The following ARID1A variants were observed in gnomAD, a reference collection of about 807,000 sequenced individuals.
ARID1A encodes AT-rich interactive domain-containing protein 1A.
Under a neutral mutation model 212.6 loss-of-function variants are expected in ARID1A, and 20 were observed. That is an observed-to-expected ratio of 0.09 (90% CI 0.07 to 0.14). The LOEUF is 0.14. ARID1A is among the 10% of genes least tolerant of loss of function. ARID1A has a pLI of 1.00. For missense variants in ARID1A, 2,587 were observed against 3,059.0 expected, an observed-to-expected ratio of 0.85 and a Z score of 3.64; for synonymous variants, 1,376 against 1,222.1, an observed-to-expected ratio of 1.13 and a Z score of -2.63.
At chr1:26,712,112 G>A (rs1467848258) in intron 1 of ARID1A, among the ~76,000 whole-genome samples, 2 of 152,028 alleles carry the variant, frequency 1.3e-5, no homozygotes, top group African/African-American at 2.4e-5. Flanking sequence ...TCTTGACTGT[G>A]GTGGTCTCCA....
At chr1:26,766,656 A>T (rs534399963) in intron 10 of ARID1A, 90 bp downstream of exon 10, 1 of 1,318,318 alleles carries the variant, frequency 7.6e-7, no homozygotes. Context: ...ACAAGATCCC[A>T]GCCTTTTATG....
rs1452729436 is a variant in ARID1A at position 26,763,061 on chromosome 1, T to G, written c.2508T>G (p.Gly836=). Residue 836 remains glycine (G), a synonymous_variant, in exon 8 of 20, where the codon GGT becomes GGG. Transcript: ENST00000324856. ...TGGCTGGAGGCATAAACCCCATGGG[T>G]GCCGGAGGTCAAATGCATGGACAGC... is the stretch of plus-strand genomic sequence containing the variant. ...AGMAGGINPM[G]AGGQMHGQPG... is the part of the protein sequence containing the mutation. The G allele has an allele frequency of 6.2e-7, 1 of 1,614,048 alleles. No individual in the cohort carries two copies. Among genetic ancestry groups the G allele is most frequent in the Non-Finnish European group, 8.5e-7 (1 of 1,180,020 alleles).
intron 19 of ARID1A, chr1:26,778,386 AGAG>A (rs1298508035): frequency 6.6e-6 from 1 of 151,942 alleles, no homozygotes; most frequent in Non-Finnish European, 1.5e-5. Flanking sequence ...TTGTGACTGG[AGAG>A]GAGTGTTTTC....
chr1:26,768,361 A>G (rs1371339781), intron 11 of ARID1A, among the ~76,000 whole-genome samples: 1 of 152,216 alleles, frequency 6.6e-6, no homozygotes, highest in Non-Finnish European at 1.5e-5. Context: ...GCCACTTATA[A>G]CATATATGAC....
At position 26,697,171 on chromosome 1, in the gene ARID1A, C is replaced by T. The variant is rs1187324052; in HGVS notation, c.768C>T (p.Ser256=). 2 of 1,432,546 alleles carry T rather than the reference C, an allele frequency of 1.4e-6. No individual in the cohort carries two copies. Among genetic ancestry groups the T allele is most frequent in the Non-Finnish European group, 1.8e-6 (2 of 1,097,920 alleles). The allele number at this position is 1,432,546 out of a possible 1,614,324, so 88.7% of individuals were successfully genotyped here. The change falls in exon 1 of 20, where the codon AGC becomes AGT. Residue 256 remains serine (S), a synonymous_variant. Transcript: ENST00000324856. ...AAGSKPPPSS[S]ASASSSSSSF... ...GCTCCAAGCCGCCTCCCTCCTCCAG[C>T]GCCTCCGCCTCCTCGTCGTCTTCGT...
intron 4 of ARID1A, among the ~76,000 whole-genome samples, chr1:26,757,241 G>A (rs759593692): frequency 1.4e-5 from 2 of 146,378 alleles, no homozygotes; most frequent in South Asian, 2.2e-4. Context: ...ATGCTGAGGC[G>A]AGCGGATGGA....
At chr1:26,701,395 T>C in intron 1 of ARID1A, among the ~76,000 whole-genome samples, 1 of 152,214 alleles carries the variant, frequency 6.6e-6, no homozygotes, top group South Asian at 2.1e-4. Context: ...TTGTTTAGAT[T>C]GGTCATTATC....
At chr1:26,745,890 A>G (rs556848264) in intron 4 of ARID1A, among the ~76,000 whole-genome samples, 1 of 152,258 alleles carries the variant, frequency 6.6e-6, no homozygotes, top group African/African-American at 2.4e-5. Flanking sequence ...CGTCTCTACT[A>G]AAAATACAAA....
chr1:26,720,404 T>G (rs917620646), intron 1 of ARID1A, among the ~76,000 whole-genome samples: 2 of 144,148 alleles, frequency 1.4e-5, no homozygotes, highest in African/African-American at 5.2e-5. Context: ...AACCGGGAGG[T>G]GGAGGTTGCA....
chr1:26,765,911 C>T (rs1345392260), intron 8 of ARID1A: 1 of 256,786 alleles, frequency 3.9e-6, no homozygotes, highest in Non-Finnish European at 7.4e-6. Context: ...CATGGTGGTG[C>T]ATGCCTCATA....
chr1:26,770,803 T>C, intron 11 of ARID1A: 1 of 305,260 alleles, frequency 3.3e-6, no homozygotes, highest in Non-Finnish European at 6.1e-6. Flanking sequence ...GATATCCAGA[T>C]GATTTGTACA....
chr1:26,747,396 G>A (rs1033630082), intron 4 of ARID1A, among the ~76,000 whole-genome samples: 13 of 152,232 alleles, frequency 8.5e-5, no homozygotes, highest in African/African-American at 2.4e-4. Flanking sequence ...GGAACTAGGG[G>A]TTGAAGGCTT....
In ARID1A at chr1:26,696,842, G is replaced by C. The variant is rs2080267597; in HGVS notation, c.439G>C (p.Ala147Pro). Residue 147 changes from alanine (A) to proline (P), a missense_variant, in exon 1 of 20, where the codon GCC becomes CCC. By Grantham distance (27) the Ala-to-Pro change is conservative. Transcript: ENST00000324856. ...AGCCGCGGCCGCCTTGCCGCCCCCA[G>C]CCTACGGCTTCGGGCAACCCTACGG... ...HSAAAALPPP[A>P]YGFGQPYGRS... 2.2e-6 allele frequency: 3 copies of C among 1,341,178 alleles called. No individual in the cohort carries two copies. The highest frequency in any genetic ancestry group is 1.9e-6 in the Non-Finnish European group (2 of 1,047,804). The allele number at this position is 1,341,178 out of a possible 1,614,324, so 83.1% of individuals were successfully genotyped here.
chr1:26,761,967 G>C (rs2124061595), intron 6 of ARID1A, among the ~76,000 whole-genome samples, 185 bp from the exon 7 acceptor site: 1 of 152,228 alleles, frequency 6.6e-6, no homozygotes, highest in Non-Finnish European at 1.5e-5. Context: ...GGCATGCCCT[G>C]GTTAATGGTT....
chr1:26,731,354 A>T lies in ARID1A; in HGVS notation c.1553A>T (p.Tyr518Phe), dbSNP rs775990638. ...PPQLQSSQPP[Y>F]SQQPSQPPHQ... is the part of the protein sequence containing the mutation. ...CAGCTCCAGTCCTCTCAGCCTCCAT[A>T]CTCCCAGCAGCCATCCCAGCCTCCA... Residue 518 changes from tyrosine (Y) to phenylalanine (F), a missense_variant, in exon 3 of 20, where the codon TAC (tyrosine) becomes TTC (phenylalanine). Coordinates refer to ENST00000324856, the MANE Select transcript of ARID1A (RefSeq NM_006015.6). 6.2e-7 allele frequency: 1 copy of T among 1,611,952 alleles called. No homozygotes were observed. The highest frequency in any genetic ancestry group is 1.1e-5 in the South Asian group (1 of 90,950).
intron 4 of ARID1A, among the ~76,000 whole-genome samples, chr1:26,756,109 A>G (rs1183315156): frequency 1.3e-5 from 2 of 151,370 alleles, no homozygotes; most frequent in African/African-American, 2.4e-5. Context: ...GCTTCAGTAC[A>G]TGTCCAAAGA....
chr1:26,701,160 C>G (rs75547743), intron 1 of ARID1A, among the ~76,000 whole-genome samples: 51 of 152,148 alleles, frequency 3.4e-4, no homozygotes, highest in Non-Finnish European at 6.3e-4. Flanking sequence ...AGGGAATAGG[C>G]TAACAAAGTA....
chr1:26,773,731 G>A lies in ARID1A; in HGVS notation c.4004+14G>A, dbSNP rs2081106492. 6.2e-7 allele frequency: 1 copy of A among 1,614,038 alleles called. No homozygotes were observed. The highest frequency in any genetic ancestry group is 1.3e-5 in the African/African-American group (1 of 74,926). On this transcript the variant is annotated intron_variant, in intron 16 of 19. Transcript: ENST00000324856. ...GCAGCAGCAACGGTGAGTAAAGCCT[G>A]GTCTCGGTGCTGCTATGGATCAGGC...
intron 4 of ARID1A, among the ~76,000 whole-genome samples, chr1:26,748,364 C>G (rs1292727972): frequency 6.6e-6 from 1 of 152,166 alleles, no homozygotes; most frequent in Middle Eastern, 3.2e-3. Context: ...TCTCACTCCC[C>G]TTTCCTGCCC....
Sources: gnomAD v4.1 joint callset for allele counts (sites outside exome capture counted in the v4.1 genomes callset) on GRCh38, gnomAD v4.1.1 for gene constraint, MANE v1.5 for transcripts, NCBI Gene and HGNC (gene_info 2026-07-23, HGNC 2026-07-21) for gene names.